The following RBFOX1 variants were observed in gnomAD, a reference collection of about 807,000 sequenced individuals.
RBFOX1 encodes the protein RNA binding fox-1 homolog 1.
Under a neutral mutation model 57.7 loss-of-function variants are expected in RBFOX1, and 8 were observed. The observed-to-expected ratio is 0.14, with a 90% CI of 0.08 to 0.25. The LOEUF (loss-of-function observed/expected upper bound fraction) is 0.25, where lower values mean the gene tolerates loss of function less well. Ranked by LOEUF, RBFOX1 falls within the 10% of genes least tolerant of loss-of-function variation. RBFOX1 has a pLI of 1.00. For synonymous variants in RBFOX1, 326 were observed against 222.4 expected (o/e 1.47, Z -4.15); for missense variants, 611 against 548.5 (o/e 1.11, Z -1.14).
intron 3 of RBFOX1, among the ~76,000 whole-genome samples, chr16:6,798,095 C>G (rs2084512355): frequency 6.6e-6 from 1 of 152,006 alleles, no homozygotes; most frequent in Non-Finnish European, 1.5e-5. Flanking sequence ...ATATGCCACA[C>G]CCTTAAACAG....
At chr16:5,685,210 A>C (rs977792888) in intron 3 of RBFOX1, among the ~76,000 whole-genome samples, 1 of 152,324 alleles carries the variant, frequency 6.6e-6, no homozygotes, top group East Asian at 1.9e-4. Flanking sequence ...TCACCAACCT[A>C]TTAAGGATAT....
chr16:6,275,002 C>G (rs758168348), intron 1 of RBFOX1, among the ~76,000 whole-genome samples: 1 of 152,126 alleles, frequency 6.6e-6, no homozygotes, highest in Admixed American at 6.5e-5. Context: ...ATATGTCGCT[C>G]TTGTCCGGAG....
intron 4 of RBFOX1, among the ~76,000 whole-genome samples, chr16:7,193,824 G>A (rs986335475): frequency 2.6e-5 from 4 of 152,122 alleles, no homozygotes; most frequent in African/African-American, 7.2e-5. Context: ...ATGTATTTAC[G>A]TAACTCAAAA....
intron 3 of RBFOX1, among the ~76,000 whole-genome samples, chr16:5,719,024 C>G (rs2051828311): frequency 6.6e-6 from 1 of 151,444 alleles, no homozygotes; most frequent in Admixed American, 6.6e-5. Flanking sequence ...TAAGGATTGA[C>G]TGAGATCATG....
intron 3 of RBFOX1, among the ~76,000 whole-genome samples, chr16:5,671,764 A>T (rs2151418691): frequency 6.6e-6 from 1 of 152,338 alleles, no homozygotes; most frequent in South Asian, 2.1e-4. Context: ...GCCCAGAGAG[A>T]GGAGACTATC....
intron 3 of RBFOX1, among the ~76,000 whole-genome samples, chr16:7,039,392 C>A (rs889365569): frequency 6.6e-6 from 1 of 152,156 alleles, no homozygotes; most frequent in African/African-American, 2.4e-5. Flanking sequence ...AGGAAAACAT[C>A]GTGGGAGAGC....
At chr16:6,783,099 C>G (rs576240531) in intron 3 of RBFOX1, among the ~76,000 whole-genome samples, 1 of 151,406 alleles carries the variant, frequency 6.6e-6, no homozygotes, top group East Asian at 1.9e-4. Context: ...TTTTTCTGTT[C>G]TTTCATTTTC....
chr16:7,239,769 C>G (rs2093961908), intron 4 of RBFOX1, among the ~76,000 whole-genome samples: 1 of 152,102 alleles, frequency 6.6e-6, no homozygotes, highest in South Asian at 2.1e-4. Flanking sequence ...TCAGCAGTAA[C>G]TCACTTAGGG....
At chr16:5,604,090 C>CAGTA (rs1308699129), downstream of RBFOX1, among the ~76,000 whole-genome samples, 1 of 152,184 alleles carries the variant, frequency 6.6e-6, no homozygotes, top group Non-Finnish European at 1.5e-5. Flanking sequence ...ATAGCCAAGG[C>CAGTA]AGTAAGCATA....
At chr16:6,160,261 GTT>G (rs1567586190) in intron 1 of RBFOX1, among the ~76,000 whole-genome samples, 1 of 152,002 alleles carries the variant, frequency 6.6e-6, no homozygotes, top group African/African-American at 2.4e-5. Context: ...TGTTGCCTCT[GTT>G]TTTTTCTTAA....
chr16:5,847,954 G>T (rs1021641311), intron 3 of RBFOX1, among the ~76,000 whole-genome samples: 1 of 152,130 alleles, frequency 6.6e-6, no homozygotes, highest in Non-Finnish European at 1.5e-5. Context: ...GGTCTTTGAG[G>T]AGCTCTAGTG....
At chr16:6,276,851 G>C (rs1460657951) in intron 1 of RBFOX1, among the ~76,000 whole-genome samples, 2 of 151,310 alleles carry the variant, frequency 1.3e-5, no homozygotes, top group African/African-American at 4.9e-5. Flanking sequence ...CTCCTTCCAG[G>C]AATGAAATCT....
chr16:6,956,201 C>A lies in RBFOX1; in HGVS notation c.-15-95856C>A, dbSNP rs150630800. 5.9e-3 allele frequency among the ~76,000 whole-genome samples: 899 copies of A among 152,134 alleles called. 3 individuals carry two copies. Among genetic ancestry groups the A allele is most frequent in the African/African-American group, 0.02 (833 of 41,498 alleles). ...AAGGATGAGAATGGAGATGGGAGTA[C>A]CACACAGGAGATCGTGCAGAGAGGC... is the stretch of plus-strand genomic sequence containing the variant. On this transcript the variant is annotated intron_variant, in intron 3 of 15. Transcript: ENST00000550418.
intron 3 of RBFOX1, among the ~76,000 whole-genome samples, chr16:7,047,225 T>C (rs555458841): frequency 1.3e-5 from 2 of 152,282 alleles, no homozygotes; most frequent in African/African-American, 4.8e-5. Flanking sequence ...CTATAGCGAT[T>C]ATTTTAGGGC....
chr16:7,710,192 TAGGTTG>T, intron 15 of RBFOX1: 3 of 1,028,268 alleles, frequency 2.9e-6, no homozygotes, highest in Non-Finnish European at 3.5e-6. Flanking sequence ...AAGTAAGAAG[TAGGTTG>T]AGATTTTCAT....
intron 1 of RBFOX1, among the ~76,000 whole-genome samples, chr16:5,327,095 G>A (rs1567338345): frequency 1.3e-5 from 2 of 152,216 alleles, no homozygotes; most frequent in Non-Finnish European, 2.9e-5. Flanking sequence ...TTCTGACCGA[G>A]GAGCTGAATA....
intron 3 of RBFOX1, among the ~76,000 whole-genome samples, chr16:6,900,587 A>C (rs7201558): frequency 0.5 from 75,666 of 152,092 alleles, 19,824 homozygotes; most frequent in African/African-American, 0.67. Context: ...AGTCTTTTCC[A>C]GTTTTAGCAA....
chr16:6,437,834 G>A (rs183116075), intron 2 of RBFOX1, among the ~76,000 whole-genome samples: 4 of 152,212 alleles, frequency 2.6e-5, no homozygotes, highest in African/African-American at 7.2e-5. Flanking sequence ...GAACAGCATG[G>A]GGGAAATCTG....
At chr16:6,972,417 T>G (rs1432265728) in intron 3 of RBFOX1, among the ~76,000 whole-genome samples, 1 of 152,072 alleles carries the variant, frequency 6.6e-6, no homozygotes, top group Non-Finnish European at 1.5e-5. Flanking sequence ...TGTAGGATGT[T>G]TCTTCGTTTT....
Sources: allele counts gnomAD v4.1 joint callset (sites outside exome capture counted in the v4.1 genomes callset), GRCh38; gene constraint gnomAD v4.1.1; transcripts MANE v1.5; gene names NCBI Gene and HGNC (gene_info 2026-07-23, HGNC 2026-07-21).